Variants in FSD1L observed in about 807,000 individuals in gnomAD.
FSD1L encodes the protein fibronectin type III and SPRY domain containing 1 like, also known as FSD1-like protein.
In FSD1L, 45 loss-of-function variants were observed where a neutral mutation model predicts 71.6. That is an observed-to-expected ratio of 0.63 (90% CI 0.49 to 0.81). The LOEUF is 0.81. Among genes scored for constraint, FSD1L ranks in the 30% least tolerant of loss-of-function variants. The probability of loss-of-function intolerance (pLI) is 0.00; values close to 1 mark genes in which losing one functional copy is unlikely to be tolerated. For synonymous variants in FSD1L, 197 were observed against 207.2 expected (o/e 0.95, Z 0.42); for missense variants, 561 against 618.1 (o/e 0.91, Z 0.98).
intron 7 of FSD1L, among the ~76,000 whole-genome samples, chr9:105,491,307 G>T (rs1353594133): frequency 1.4e-5 from 2 of 147,314 alleles, no homozygotes; most frequent in South Asian, 2.1e-4. Context: ...GCTCTCTGTT[G>T]TTGGTGTATA....
chr9:105,498,740 A>G (rs562096100), intron 7 of FSD1L, among the ~76,000 whole-genome samples: 4 of 152,306 alleles, frequency 2.6e-5, no homozygotes, highest in South Asian at 2.1e-4. Context: ...AAAATATTTT[A>G]AAATTTCTCT....
intron 10 of FSD1L, chr9:105,530,415 T>G (rs1478350279): frequency 4.0e-6 from 2 of 502,146 alleles, no homozygotes; most frequent in Non-Finnish European, 7.0e-6. Flanking sequence ...TTTTCCTTAC[T>G]TAACTTTTCT....
chr9:105,506,375 CT>C (rs750489990), intron 7 of FSD1L, 23 bp from the exon 8 acceptor site: 102,489 of 925,562 alleles, frequency 0.11, 32 homozygotes, highest in East Asian at 0.14. Flanking sequence ...ATGAATGAGT[CT>C]TTTTTTTTTT....
chr9:105,491,000 G>A (rs1487412556), intron 7 of FSD1L, among the ~76,000 whole-genome samples: 1 of 150,940 alleles, frequency 6.6e-6, no homozygotes, highest in Non-Finnish European at 1.5e-5. Context: ...CTCTTTTTTG[G>A]TTCCATATGA....
chr9:105,443,895 C>A (rs556153496), upstream of FSD1L, among the ~76,000 whole-genome samples: 1 of 152,262 alleles, frequency 6.6e-6, no homozygotes, highest in South Asian at 2.1e-4. Context: ...ACTCAACAAC[C>A]CTTATAGGTG....
chr9:105,445,308 C>T (rs2771037), upstream of FSD1L, among the ~76,000 whole-genome samples: 41,642 of 151,766 alleles, frequency 0.27, 5,898 homozygotes, highest in Non-Finnish European at 0.31. Context: ...CAGGTGAGGG[C>T]AGAAGCCAAA....
chr9:105,497,450 C>A (rs1259161171), intron 7 of FSD1L, among the ~76,000 whole-genome samples: 4 of 152,106 alleles, frequency 2.6e-5, no homozygotes, highest in Non-Finnish European at 5.9e-5. Flanking sequence ...GTACTTTTGT[C>A]CTGAAAAGTA....
At chr9:105,542,586 T>G (rs538214152) in intron 13 of FSD1L, among the ~76,000 whole-genome samples, 2 of 152,266 alleles carry the variant, frequency 1.3e-5, no homozygotes, top group South Asian at 4.1e-4. Context: ...CCCGAGTAGC[T>G]GGGATTACAG....
intron 7 of FSD1L, among the ~76,000 whole-genome samples, chr9:105,491,823 C>A (rs1287101219): frequency 6.6e-6 from 1 of 152,158 alleles, no homozygotes; most frequent in Non-Finnish European, 1.5e-5. Context: ...GTATATTGAA[C>A]CAGCCTTGCA....
intron 7 of FSD1L, among the ~76,000 whole-genome samples, chr9:105,492,614 TCTG>T (rs1833031091): frequency 6.6e-6 from 1 of 152,122 alleles, no homozygotes; most frequent in African/African-American, 2.4e-5. Flanking sequence ...TTGGATCTTT[TCTG>T]CTTTCTCTTG....
chr9:105,542,365 T>C (rs1836683290), intron 13 of FSD1L, among the ~76,000 whole-genome samples: 1 of 152,266 alleles, frequency 6.6e-6, no homozygotes, highest in African/African-American at 2.4e-5. Flanking sequence ...TGATGTTTCA[T>C]GTCCTTATTT....
At position 105,471,884 on chromosome 9, in the gene FSD1L, T is replaced by G; in HGVS notation, c.340-20T>G. ...GGAAACTTCATTTTAATGACTTAGT[T>G]TTTTTTTTTTTTTCCCTAGAGTCAG... On this transcript the variant is annotated intron_variant, in intron 4 of 13. Coordinates refer to ENST00000481272, the MANE Select transcript of FSD1L (RefSeq NM_001145313.3). The G allele has an allele frequency of 1.1e-6, 1 of 875,782 alleles. No homozygotes were observed. The highest frequency in any genetic ancestry group is 1.6e-6 in the Non-Finnish European group (1 of 627,076). The allele number at this position is 875,782 out of a possible 1,614,324, so 54.3% of individuals were successfully genotyped here. A position where few individuals can be genotyped will look rare whatever the true frequency, so the allele number is the denominator to read the frequency against.
At chr9:105,447,947 C>T, upstream of FSD1L, 1 of 527,036 alleles carries the variant, frequency 1.9e-6, no homozygotes, top group South Asian at 2.3e-5. Flanking sequence ...GCGGCGCTCC[C>T]CACCCTCCAC....
chr9:105,530,893 C>G, intron 10 of FSD1L: 1 of 280,502 alleles, frequency 3.6e-6, no homozygotes, highest in Non-Finnish European at 6.6e-6. Context: ...TCATTCTAGT[C>G]AGATATTGTA....
upstream of FSD1L, among the ~76,000 whole-genome samples, chr9:105,447,196 C>T (rs894025323): frequency 3.3e-5 from 5 of 151,428 alleles, no homozygotes; most frequent in African/African-American, 9.7e-5. Context: ...GTGGTGGGGG[C>T]GCCTGTAATC....
chr9:105,549,121 G>A lies in FSD1L; in HGVS notation c.*2638G>A, dbSNP rs78748860. 1,262 of 152,026 alleles carry A rather than the reference G, an allele frequency of 8.3e-3. 20 individuals carry two copies. Among genetic ancestry groups the A allele is most frequent in the African/African-American group, 0.029 (1,206 of 41,510 alleles). The allele number at this position is 152,026 out of a possible 1,614,324, so 9.4% of individuals were successfully genotyped here. On this transcript the variant is annotated 3_prime_UTR_variant, in exon 14 of 14. Transcript: ENST00000481272. ...TGAAACATCTTTTGTTGCTTATTTA[G>A]TTTTTGTTTCTACAGGTCAAACATG...
chr9:105,530,790 C>T (rs961366446), intron 10 of FSD1L: 2 of 511,186 alleles, frequency 3.9e-6, no homozygotes, highest in Non-Finnish European at 3.5e-6. Context: ...TTACAAAATG[C>T]CAAAGGCCTT....
intron 2 of FSD1L, among the ~76,000 whole-genome samples, chr9:105,462,519 C>CA (rs1482211569): frequency 8.0e-4 from 92 of 115,058 alleles, no homozygotes; most frequent in Middle Eastern, 0.014. Flanking sequence ...CTGTGACTGA[C>CA]ATTTTTTTTT....
intron 7 of FSD1L, among the ~76,000 whole-genome samples, chr9:105,485,542 T>TTG (rs1161072964): frequency 1.3e-5 from 2 of 150,274 alleles, no homozygotes; most frequent in African/African-American, 4.9e-5. Flanking sequence ...TGTTTTTTTT[T>TTG]TTTTTTTTTT....
Sources: gnomAD v4.1 joint callset for allele counts (sites outside exome capture counted in the v4.1 genomes callset) on GRCh38, gnomAD v4.1.1 for gene constraint, MANE v1.5 for transcripts, NCBI Gene and HGNC (gene_info 2026-07-23, HGNC 2026-07-21) for gene names.